Variants in CBFA2T2 observed in about 807,000 individuals in gnomAD.
CBFA2T2 encodes the protein CBFA2/RUNX1 partner transcriptional co-repressor 2.
A neutral mutation model predicts 62.2 loss-of-function variants in CBFA2T2; 11 were observed. That is an observed-to-expected ratio of 0.18 (90% confidence interval 0.11 to 0.29). The LOEUF is 0.29. CBFA2T2 is among the 10% of genes least tolerant of loss of function. The pLI, the probability that CBFA2T2 is intolerant of heterozygous loss-of-function variation, is 1.00. For synonymous variants in CBFA2T2, 295 were observed against 287.5 expected, an observed-to-expected ratio of 1.03 and a Z score of -0.27; for missense variants, 592 against 774.1, an observed-to-expected ratio of 0.76 and a Z score of 2.79.
chr20:33,516,701 G>A (rs760101794), intron 1 of CBFA2T2, among the ~76,000 whole-genome samples: 1 of 152,118 alleles, frequency 6.6e-6, no homozygotes, highest in Admixed American at 6.5e-5. Flanking sequence ...TCACCTCATC[G>A]CTGAAAGTTT....
At position 33,649,571 on chromosome 20, in the gene CBFA2T2, T is replaced by C. The variant is rs2017178003; in HGVS notation, c.*4925T>C. ...TCTGGTCGAGCCTACGGCTGCCCAGTGTACACTCAGTGATGCTTATACCAA... is the reference window on the plus strand; with the variant it reads ...TCTGGTCGAGCCTACGGCTGCCCAGCGTACACTCAGTGATGCTTATACCAA... On this transcript the variant is annotated 3_prime_UTR_variant, in exon 11 of 11. Coordinates refer to ENST00000342704, the MANE Select transcript of CBFA2T2 (RefSeq NM_001032999.3). The C allele has an allele frequency of 6.6e-6, 1 of 152,302 alleles. No homozygotes were observed. 9.4% of individuals were successfully genotyped at this position (152,302 alleles called of 1,614,324 possible).
intron 1 of CBFA2T2, among the ~76,000 whole-genome samples, chr20:33,515,401 G>A (rs573684981): frequency 7.7e-4 from 116 of 150,372 alleles, no homozygotes; most frequent in African/African-American, 2.7e-3. Flanking sequence ...CCTGGGTGAC[G>A]GAAAACGTGT....
intron 8 of CBFA2T2, 115 bp from the exon 9 acceptor site, chr20:33,636,525 T>A (rs1045607711): frequency 1.1e-5 from 8 of 718,168 alleles, no homozygotes; most frequent in Non-Finnish European, 1.9e-5. Context: ...AGAATTTTTT[T>A]ATACTAAATG....
chr20:33,618,568 C>T lies in CBFA2T2; in HGVS notation c.421-949C>T, dbSNP rs1421417142. 6 of 152,132 alleles carry T rather than the reference C, an allele frequency of 3.9e-5. No individual in the cohort carries two copies. The East Asian group carries it at 1.2e-3, about 29-fold the overall frequency. The allele number at this position is 152,132 out of a possible 1,614,324, so 9.4% of individuals were successfully genotyped here. A position where few individuals can be genotyped will look rare whatever the true frequency, so the allele number is the denominator to read the frequency against. ...GGGGGTTTGCCGGTTGGGAGTTATTCTGGTATGCATAATGCATACAGGCCA... is the reference window on the plus strand; with the variant it reads ...GGGGGTTTGCCGGTTGGGAGTTATTTTGGTATGCATAATGCATACAGGCCA... On this transcript the variant is annotated intron_variant, in intron 3 of 10. Transcript: ENST00000342704.
intron 1 of CBFA2T2, among the ~76,000 whole-genome samples, chr20:33,533,039 C>A (rs540790865): frequency 6.6e-6 from 1 of 152,286 alleles, no homozygotes; most frequent in South Asian, 2.1e-4. Flanking sequence ...CCTGAACAAA[C>A]AGTGCTTCTT....
chr20:33,617,655 A>G (rs2015760264), intron 3 of CBFA2T2, among the ~76,000 whole-genome samples: 1 of 152,204 alleles, frequency 6.6e-6, no homozygotes, highest in Non-Finnish European at 1.5e-5. Context: ...GATATAAAAG[A>G]GTGTCATTCT....
At chr20:33,492,295 G>C (rs1004318831) in intron 1 of CBFA2T2, among the ~76,000 whole-genome samples, 1 of 151,610 alleles carries the variant, frequency 6.6e-6, no homozygotes, top group Non-Finnish European at 1.5e-5. Flanking sequence ...CTGGGATTAC[G>C]AGCGTGAGTC....
At chr20:33,641,021 G>C (rs1422045392) in intron 10 of CBFA2T2, among the ~76,000 whole-genome samples, 1 of 152,020 alleles carries the variant, frequency 6.6e-6, no homozygotes, top group Non-Finnish European at 1.5e-5. Context: ...GAAAGTGCAG[G>C]GTCCTATAGC....
chr20:33,603,353 C>T (rs1028894614), intron 1 of CBFA2T2, among the ~76,000 whole-genome samples: 6 of 152,210 alleles, frequency 3.9e-5, no homozygotes, highest in Non-Finnish European at 7.3e-5. Context: ...AGAAATTATT[C>T]AGACATACTT....
Position 33,647,971 on chromosome 20 carries a change from G to A in CBFA2T2, c.*3325G>A, listed in dbSNP as rs1415893264. 6.6e-6 allele frequency: 1 copy of A among 152,212 alleles called. No homozygotes were observed. Among genetic ancestry groups the A allele is most frequent in the Non-Finnish European group, 1.5e-5 (1 of 68,054 alleles). 9.4% of individuals were successfully genotyped at this position (152,212 alleles called of 1,614,324 possible). ...ATTCACATTTCAAGAATCCCTTTCT[G>A]AAATTCTCCAACTCTCTGGTCAGGA... On this transcript the variant is annotated 3_prime_UTR_variant, in exon 11 of 11. Coordinates refer to ENST00000342704, the MANE Select transcript of CBFA2T2 (RefSeq NM_001032999.3).
At chr20:33,537,784 T>G (rs934843053) in intron 1 of CBFA2T2, among the ~76,000 whole-genome samples, 2 of 152,204 alleles carry the variant, frequency 1.3e-5, no homozygotes, top group African/African-American at 4.8e-5. Context: ...CTTGTACCTT[T>G]GTCAAAAATC....
chr20:33,490,519 G>T (rs572149173), intron 1 of CBFA2T2, among the ~76,000 whole-genome samples: 195 of 152,282 alleles, frequency 1.3e-3, no homozygotes, highest in African/African-American at 4.6e-3. Flanking sequence ...CGGGGCTCAC[G>T]GTGTGAGGGA....
chr20:33,511,943 C>T (rs1260045486), intron 1 of CBFA2T2, among the ~76,000 whole-genome samples: 1 of 152,050 alleles, frequency 6.6e-6, no homozygotes, highest in Non-Finnish European at 1.5e-5. Context: ...TTTGGAAGGC[C>T]AAGGCAGGGA....
intron 1 of CBFA2T2, among the ~76,000 whole-genome samples, chr20:33,497,908 A>G (rs1250246490): frequency 3.3e-5 from 5 of 151,964 alleles, no homozygotes; most frequent in Non-Finnish European, 4.4e-5. Flanking sequence ...GTCTCTAATT[A>G]CTGGGTTCCA....
At chr20:33,528,741 T>C (rs776695322) in intron 1 of CBFA2T2, among the ~76,000 whole-genome samples, 7 of 151,988 alleles carry the variant, frequency 4.6e-5, no homozygotes, top group Non-Finnish European at 8.8e-5. Context: ...GATCTCACCA[T>C]GTTGTCCAGG....
intron 1 of CBFA2T2, among the ~76,000 whole-genome samples, chr20:33,588,835 T>C (rs2014491298): frequency 6.6e-6 from 1 of 152,006 alleles, no homozygotes; most frequent in East Asian, 1.9e-4. Context: ...TAATGCCAGT[T>C]ACTCTCTGAG....
chr20:33,521,725 A>G (rs2011734242), intron 1 of CBFA2T2, among the ~76,000 whole-genome samples: 1 of 152,138 alleles, frequency 6.6e-6, no homozygotes, highest in Non-Finnish European at 1.5e-5. Context: ...CTCTCCAGTC[A>G]TATATACCTA....
intron 1 of CBFA2T2, 82 bp downstream of exon 1, chr20:33,490,383 C>T (rs2146838147): frequency 1.7e-6 from 2 of 1,195,104 alleles, no homozygotes; most frequent in Non-Finnish European, 2.1e-6. Context: ...CCGAGTGCCC[C>T]GGGCGCGAGG....
At chr20:33,519,281 C>A (rs2011665605) in intron 1 of CBFA2T2, among the ~76,000 whole-genome samples, 1 of 151,988 alleles carries the variant, frequency 6.6e-6, no homozygotes, top group Non-Finnish European at 1.5e-5. Flanking sequence ...ACCAGCCTGG[C>A]CGACAAGGTG....
Sources: allele counts gnomAD v4.1 joint callset (sites outside exome capture counted in the v4.1 genomes callset), GRCh38; gene constraint gnomAD v4.1.1; transcripts MANE v1.5; gene names NCBI Gene and HGNC (gene_info 2026-07-23, HGNC 2026-07-21).